SLC43A1: variants seen among roughly 807,000 people sequenced by gnomAD.
The protein encoded by SLC43A1 is solute carrier family 43 member 1, also known as large neutral amino acids transporter small subunit 3.
A neutral mutation model predicts 59.5 loss-of-function variants in SLC43A1; 31 were observed. That is an observed-to-expected ratio of 0.52 (90% CI 0.39 to 0.70). SLC43A1 has a LOEUF of 0.70. Ranked by LOEUF, SLC43A1 falls within the 30% of genes least tolerant of loss-of-function variation. The probability of loss-of-function intolerance (pLI) is 0.00; values close to 1 mark genes in which losing one functional copy is unlikely to be tolerated. For synonymous variants in SLC43A1, 259 were observed against 290.9 expected (o/e 0.89, Z 1.12); for missense variants, 598 against 717.8 (o/e 0.83, Z 1.91).
At chr11:57,508,434 C>A (rs988508796) in intron 2 of SLC43A1, among the ~76,000 whole-genome samples, 1 of 152,216 alleles carries the variant, frequency 6.6e-6, no homozygotes, top group Middle Eastern at 3.4e-3. Context: ...AAGACTGACA[C>A]CCAAAGTGAA....
In SLC43A1 at chr11:57,491,246, CCT is replaced by C; in HGVS notation, c.1169_1170del (p.Gln390ArgfsTer163). The part of the protein sequence containing the change: ...RIKDCVDAPT[Q>X]GTVLGDARDG... Reference sequence around the variant, plus strand: ...CACCTGGCATCTCCGAGGACAGTGCCCTGAGTTGGGGCGTCCACGCAGTCCTT... The same window carrying C: ...CACCTGGCATCTCCGAGGACAGTGCCGAGTTGGGGCGTCCACGCAGTCCTT... On this transcript the variant is annotated frameshift_variant, in exon 11 of 15. Coordinates refer to ENST00000278426, the MANE Select transcript of SLC43A1 (RefSeq NM_003627.6). LOFTEE classifies it high-confidence loss of function. 6.3e-7 allele frequency: 1 copy of C among 1,597,734 alleles called. No homozygotes were observed. Among genetic ancestry groups the C allele is most frequent in the Non-Finnish European group, 8.5e-7 (1 of 1,170,480 alleles).
At chr11:57,502,677 C>A (rs947241234) in intron 2 of SLC43A1, among the ~76,000 whole-genome samples, 11 of 152,050 alleles carry the variant, frequency 7.2e-5, no homozygotes, top group African/African-American at 2.7e-4. Context: ...TCAAGACCAG[C>A]CTGAGCAACA....
Position 57,500,824 on chromosome 11 carries a change from G to A in SLC43A1, c.420C>T (p.Ser140=), listed in dbSNP as rs780361626. ...GGCAGATGCCACCAAAGCCATTCAGGGACAGCGCCAGGAATATCAACGGAG... is the reference window on the plus strand; with the variant it reads ...GGCAGATGCCACCAAAGCCATTCAGAGACAGCGCCAGGAATATCAACGGAG... The part of the protein sequence containing the change: ...ALSPLIFLAL[S]LNGFGGICLT... Residue 140 remains serine (S), a synonymous_variant, in exon 5 of 15, where the codon TCC becomes TCT. Transcript: ENST00000278426. 1.2e-6 allele frequency: 2 copies of A among 1,614,226 alleles called. No homozygotes were observed. Among genetic ancestry groups the A allele is most frequent in the South Asian group, 2.2e-5 (2 of 91,092 alleles).
At chr11:57,504,635 G>A (rs1304194962) in intron 2 of SLC43A1, among the ~76,000 whole-genome samples, 2 of 152,186 alleles carry the variant, frequency 1.3e-5, no homozygotes, top group African/African-American at 4.8e-5. Context: ...CTTCTTACAG[G>A]CAGGCTCAGA....
chr11:57,504,196 C>CAAAAA (rs1459574121), intron 2 of SLC43A1, among the ~76,000 whole-genome samples: 1 of 152,026 alleles, frequency 6.6e-6, no homozygotes, highest in Non-Finnish European at 1.5e-5. Flanking sequence ...GACTCCGTCT[C>CAAAAA]AAAAAATAAA....
In SLC43A1 at chr11:57,501,265, G is replaced by C; in HGVS notation, c.219C>G (p.Asp73Glu). Residue 73 changes from aspartate to glutamate, a missense_variant, in exon 3 of 15, where the codon GAC becomes GAG. Physicochemically the swap from Asp to Glu is conservative, Grantham distance 45. Transcript: ENST00000278426. ...TGGTGAAGCCCAGGTTGAGCATCTCGTCCTGCTGGTCACAGCCTGGCCACC... is the reference window on the plus strand; with the variant it reads ...TGGTGAAGCCCAGGTTGAGCATCTCCTCCTGCTGGTCACAGCCTGGCCACC... ...QRRWPGCDQQ[D>E]EMLNLGFTIG... The C allele has an allele frequency of 6.2e-7, 1 of 1,612,296 alleles. No homozygotes were observed. The highest frequency in any genetic ancestry group is 2.2e-5 in the East Asian group (1 of 44,886).
In SLC43A1 at chr11:57,514,083, C is replaced by A; in HGVS notation, c.29G>T (p.Arg10Leu). The A allele has an allele frequency of 6.2e-7, 1 of 1,602,122 alleles. No homozygotes were observed. The highest frequency in any genetic ancestry group is 1.1e-5 in the South Asian group (1 of 88,990). ...CGTGCAGGCCATCCACCAGCGCCTC[C>A]GGTACGCCTGTTGCAGCGTGGGGGC... MAPTLQQAYRRRWWMACTAV... is the reference protein window; with the variant it reads MAPTLQQAYLRRWWMACTAV... Residue 10 changes from arginine to leucine, a missense_variant, in exon 2 of 15, where the codon CGG (arginine) becomes CTG (leucine). Coordinates refer to ENST00000278426, the MANE Select transcript of SLC43A1 (RefSeq NM_003627.6). This position sits in a 1 kb window ranked among gnomAD's most constrained non-coding sequence, Gnocchi z 5.5.
chr11:57,511,438 TA>T (rs540524269), intron 2 of SLC43A1, among the ~76,000 whole-genome samples: 61 of 143,132 alleles, frequency 4.3e-4, no homozygotes, highest in South Asian at 4.0e-3. Flanking sequence ...TCAAAAAAAT[TA>T]AAAAAAAAAA....
rs1488803503 is a variant in SLC43A1, at chr11:57,495,661, C to CA, written c.692+369dup. 2.6e-5 allele frequency among the ~76,000 whole-genome samples: 4 copies of CA among 151,668 alleles called. No individual in the cohort carries two copies. The East Asian group carries it at 7.8e-4, about 29-fold the overall frequency. ...GGTAACACAGTAAGCCCTGTCTCTA[C>CA]AAAAAATAAAAAAATTAACTGGGCA... On this transcript the variant is annotated intron_variant, in intron 7 of 14. Transcript: ENST00000278426.
rs1943678980 is a variant in SLC43A1, at chr11:57,484,717, ACATG to A, written c.*375_*378del. 6.0e-6 allele frequency: 1 copy of A among 167,000 alleles called. No individual in the cohort carries two copies. The highest frequency in any genetic ancestry group is 1.3e-5 in the Non-Finnish European group (1 of 76,346). The allele number at this position is 167,000 out of a possible 1,614,324, so 10.3% of individuals were successfully genotyped here. ...CTCTCACATTCACACATACACAGAC[ACATG>A]CATGTGTGCACACTCATGGCACATG... On this transcript the variant is annotated 3_prime_UTR_variant, in exon 15 of 15. Coordinates refer to ENST00000278426, the MANE Select transcript of SLC43A1 (RefSeq NM_003627.6).
chr11:57,491,995 G>A (rs1041991102), intron 8 of SLC43A1, 133 bp from the exon 9 acceptor site: 25 of 881,508 alleles, frequency 2.8e-5, no homozygotes, highest in African/African-American at 2.0e-4. Flanking sequence ...CTTCAAAGAC[G>A]GGAAAGTTCA....
intron 2 of SLC43A1, among the ~76,000 whole-genome samples, chr11:57,504,954 C>A (rs1944358717): frequency 6.6e-6 from 1 of 152,182 alleles, no homozygotes; most frequent in African/African-American, 2.4e-5. Context: ...GAGAGCCAGC[C>A]CAAGATGCCA....
intron 4 of SLC43A1, 38 bp downstream of exon 4, chr11:57,500,950 T>A (rs763697010): frequency 1.3e-6 from 2 of 1,597,100 alleles, no homozygotes; most frequent in South Asian, 2.2e-5. Context: ...TCCCACCTAT[T>A]CTTTTCTTGT....
intron 6 of SLC43A1, 44 bp downstream of exon 6, chr11:57,497,709 G>T (rs756761958): frequency 6.7e-7 from 1 of 1,501,766 alleles, no homozygotes. Context: ...GGCCCCACCC[G>T]GTTCTTGTGT....
chr11:57,484,710 C>A lies in SLC43A1; in HGVS notation c.*386G>T, dbSNP rs565813934. The A allele has an allele frequency of 3.0e-5, 5 of 164,768 alleles. No homozygotes were observed. The East Asian group carries it at 8.7e-4, about 29-fold the overall frequency. The allele number at this position is 164,768 out of a possible 1,614,324, so 10.2% of individuals were successfully genotyped here. A position where few individuals can be genotyped will look rare whatever the true frequency, so the allele number is the denominator to read the frequency against. ...TGTGTCTCTCTCACATTCACACATA[C>A]ACAGACACATGCATGTGTGCACACT... On this transcript the variant is annotated 3_prime_UTR_variant, in exon 15 of 15. Transcript: ENST00000278426.
intron 2 of SLC43A1, among the ~76,000 whole-genome samples, chr11:57,509,715 A>T (rs1433131432): frequency 3.9e-5 from 5 of 129,636 alleles, no homozygotes; most frequent in Non-Finnish European, 6.3e-5. Context: ...AGAGGGAGGG[A>T]GGGAAAGAAG....
chr11:57,498,851 G>C (rs1479292524), intron 5 of SLC43A1, among the ~76,000 whole-genome samples: 1 of 152,146 alleles, frequency 6.6e-6, no homozygotes, highest in Admixed American at 6.5e-5. Flanking sequence ...CAAGCCCTCA[G>C]GGCAGGGGAA....
chr11:57,509,075 C>T (rs1317388159), intron 2 of SLC43A1, among the ~76,000 whole-genome samples: 1 of 151,362 alleles, frequency 6.6e-6, no homozygotes, highest in African/African-American at 2.4e-5. Context: ...AAGATGAAGC[C>T]ATTGCACTCC....
Position 57,513,938 on chromosome 11 carries a change from C to CCCCCCCAATTAA in SLC43A1, c.154+19_154+20insTTAATTGGGGGG. ...TTGCCATCCCTCCCCCCAGCCCACCCAGCCCATTTTCAGGCATACCTGGGC... is the reference window on the plus strand; with the variant it reads ...TTGCCATCCCTCCCCCCAGCCCACCCCCCCCCAATTAAAGCCCATTTTCAGGCATACCTGGGC... On this transcript the variant is annotated intron_variant, in intron 2 of 14. Transcript: ENST00000278426. 2 of 1,311,330 alleles carry CCCCCCCAATTAA rather than the reference C, an allele frequency of 1.5e-6. No individual in the cohort carries two copies. The highest frequency in any genetic ancestry group is 1.1e-6 in the Non-Finnish European group (1 of 922,934). The allele number at this position is 1,311,330 out of a possible 1,614,324, so 81.2% of individuals were successfully genotyped here. A position where few individuals can be genotyped will look rare whatever the true frequency, so the allele number is the denominator to read the frequency against.
Sources: allele counts gnomAD v4.1 joint callset (sites outside exome capture counted in the v4.1 genomes callset), GRCh38; gene constraint gnomAD v4.1.1; non-coding constraint Gnocchi (gnomAD v3.1); transcripts MANE v1.5; gene names NCBI Gene and HGNC (gene_info 2026-07-23, HGNC 2026-07-21).